Variants in TFPI observed in about 807,000 individuals in gnomAD.
TFPI encodes the protein anti-convertin.
In TFPI, 15 loss-of-function variants were observed where a neutral mutation model predicts 34.6. That is an observed-to-expected ratio of 0.43 (90% CI 0.29 to 0.67). The LOEUF (loss-of-function observed/expected upper bound fraction) is 0.67. Among genes scored for constraint, TFPI ranks in the 30% least tolerant of loss-of-function variants. The pLI is 0.15. For synonymous variants in TFPI, 105 were observed against 120.1 expected, an observed-to-expected ratio of 0.87 and a Z score of 0.82; for missense variants, 301 against 364.0, an observed-to-expected ratio of 0.83 and a Z score of 1.41.
At chr2:187,509,451 T>C (rs1686465693) in intron 1 of TFPI, among the ~76,000 whole-genome samples, 1 of 152,186 alleles carries the variant, frequency 6.6e-6, no homozygotes, top group African/African-American at 2.4e-5. Context: ...GTTGCTAGGC[T>C]ATTAGTTACT....
At chr2:187,522,649 G>A (rs962685241) in intron 1 of TFPI, among the ~76,000 whole-genome samples, 4 of 150,664 alleles carry the variant, frequency 2.7e-5, no homozygotes, top group East Asian at 1.9e-4. Context: ...TTTGGGAGGC[G>A]GAGGTGGGTG....
intron 1 of TFPI, among the ~76,000 whole-genome samples, chr2:187,523,130 G>A (rs1486547732): frequency 6.6e-6 from 1 of 151,950 alleles, no homozygotes; most frequent in Admixed American, 6.6e-5. Flanking sequence ...AGTTTGTGCA[G>A]TTTTTAAATA....
intron 3 of TFPI, 71 bp from the exon 4 acceptor site, chr2:187,488,446 C>A (rs2106034330): frequency 2.0e-6 from 2 of 991,464 alleles, no homozygotes; most frequent in Non-Finnish European, 1.4e-6. Context: ...TTGAATTTAA[C>A]AAACAAGAGT....
intron 4 of TFPI, among the ~76,000 whole-genome samples, chr2:187,485,571 CCTT>C (rs1438923857): frequency 1.3e-5 from 2 of 151,644 alleles, no homozygotes; most frequent in African/African-American, 2.4e-5. Context: ...TTTATTTTTT[CCTT>C]CTTCTTGTCA....
At chr2:187,507,321 G>C (rs554221591) in intron 1 of TFPI, among the ~76,000 whole-genome samples, 1 of 152,190 alleles carries the variant, frequency 6.6e-6, no homozygotes, top group South Asian at 2.1e-4. Flanking sequence ...ATAGGCATTT[G>C]GGTGGGTTCC....
At chr2:187,542,516 A>C (rs1688635488) in intron 1 of TFPI, among the ~76,000 whole-genome samples, 1 of 152,188 alleles carries the variant, frequency 6.6e-6, no homozygotes, top group Non-Finnish European at 1.5e-5. Flanking sequence ...ACTTTTAAAA[A>C]TGTGAAGGTT....
intron 5 of TFPI, 191 bp downstream of exon 5, chr2:187,484,620 C>A: frequency 1.9e-6 from 1 of 529,926 alleles, no homozygotes; most frequent in Non-Finnish European, 3.2e-6. Flanking sequence ...AGTATTAGAT[C>A]TATGAAAATA....
rs555992931 is a variant in TFPI, at chr2:187,498,680, G to C, written c.122-1602C>G. On this transcript the variant is annotated intron_variant, in intron 2 of 7. Coordinates refer to ENST00000233156, the MANE Select transcript of TFPI (RefSeq NM_006287.6). ...TTACATAATACCATCTCATTATTTT[G>C]ATCTATTTGATAAGTTAATTGATTA... Among the ~76,000 whole-genome samples the C allele has an allele frequency of 3.2e-4, 49 of 151,730 alleles. No homozygotes were observed. The South Asian group carries it at 7.7e-3, about 24-fold the overall frequency.
At chr2:187,517,037 T>C (rs1687056786) in intron 1 of TFPI, 1 of 152,190 alleles carries the variant, frequency 6.6e-6, no homozygotes. Flanking sequence ...TTCTTTAACC[T>C]GGTGTCTGAG....
At chr2:187,468,154 T>C (rs1691820014) in intron 6 of TFPI, among the ~76,000 whole-genome samples, 1 of 152,040 alleles carries the variant, frequency 6.6e-6, no homozygotes, top group African/African-American at 2.4e-5. Context: ...TTAAAAAATC[T>C]CATTTGCTAA....
chr2:187,511,743 G>A (rs544174799), intron 1 of TFPI, among the ~76,000 whole-genome samples: 2 of 152,196 alleles, frequency 1.3e-5, no homozygotes, highest in Admixed American at 1.3e-4. Context: ...CTTGGTTACA[G>A]CTGGTTTTAG....
intron 6 of TFPI, among the ~76,000 whole-genome samples, chr2:187,473,309 G>C (rs1330091982): frequency 1.3e-5 from 2 of 151,918 alleles, no homozygotes; most frequent in African/African-American, 4.8e-5. Flanking sequence ...GATTTGCTAG[G>C]TTAAATTTTA....
At chr2:187,470,900 T>G (rs1265814330) in intron 6 of TFPI, among the ~76,000 whole-genome samples, 1 of 152,244 alleles carries the variant, frequency 6.6e-6, no homozygotes, top group South Asian at 2.1e-4. Flanking sequence ...CTCCTACTTG[T>G]CCATGACTGA....
intron 1 of TFPI, among the ~76,000 whole-genome samples, chr2:187,521,724 AT>A: frequency 6.6e-6 from 1 of 151,882 alleles, no homozygotes; most frequent in Non-Finnish European, 1.5e-5. Flanking sequence ...GCCTGCCACC[AT>A]GCCTGGCTAA....
At chr2:187,511,917 AAGAGAG>A (rs138592131) in intron 1 of TFPI, among the ~76,000 whole-genome samples, 1 of 151,050 alleles carries the variant, frequency 6.6e-6, no homozygotes, top group African/African-American at 2.4e-5. Context: ...GAGTCAAGGA[AAGAGAG>A]AGAGAGAGAG....
At chr2:187,548,860 T>C (rs1219870184) in intron 1 of TFPI, among the ~76,000 whole-genome samples, 2 of 152,088 alleles carry the variant, frequency 1.3e-5, no homozygotes, top group African/African-American at 2.4e-5. Flanking sequence ...AGATTAAACA[T>C]CTTTCCTCAT....
At chr2:187,549,746 C>T (rs1486828657) in intron 1 of TFPI, among the ~76,000 whole-genome samples, 1 of 152,012 alleles carries the variant, frequency 6.6e-6, no homozygotes, top group Non-Finnish European at 1.5e-5. Flanking sequence ...GTTACAGGCT[C>T]TGTGCCCTTA....
chr2:187,542,169 G>A (rs1247028604), intron 1 of TFPI, among the ~76,000 whole-genome samples: 2 of 152,060 alleles, frequency 1.3e-5, no homozygotes, highest in African/African-American at 4.8e-5. Context: ...AAAAGGGAGA[G>A]TCAAAAGCTG....
chr2:187,502,033 A>C (rs1432299319), intron 2 of TFPI, among the ~76,000 whole-genome samples: 1 of 152,130 alleles, frequency 6.6e-6, no homozygotes, highest in Non-Finnish European at 1.5e-5. Context: ...TGTATCTCCT[A>C]AATAGAATTT....
Sources: gnomAD v4.1 joint callset for allele counts (sites outside exome capture counted in the v4.1 genomes callset) on GRCh38, gnomAD v4.1.1 for gene constraint, MANE v1.5 for transcripts, NCBI Gene and HGNC (gene_info 2026-07-23, HGNC 2026-07-21) for gene names.